Variants in PHACTR3 observed in about 807,000 individuals in gnomAD.
The protein encoded by PHACTR3 is protein phosphatase 1, regulatory subunit 123.
PHACTR3 carries 16 observed loss-of-function variants against 66.8 expected under a neutral mutation model. The observed-to-expected ratio is 0.24, with a 90% CI of 0.16 to 0.36. PHACTR3 has a LOEUF of 0.36. PHACTR3 is among the 10% of genes least tolerant of loss of function. The pLI is 1.00. For missense variants in PHACTR3, 647 were observed against 719.9 expected (o/e 0.90, Z 1.16); for synonymous variants, 323 against 292.1 (o/e 1.11, Z -1.08).
chr20:59,790,889 A>G (rs1159478451), intron 7 of PHACTR3, among the ~76,000 whole-genome samples: 9 of 152,152 alleles, frequency 5.9e-5, no homozygotes, highest in Non-Finnish European at 7.4e-5. Context: ...ACGAGCATAC[A>G]TTATTTTTGT....
At chr20:59,750,383 C>G (rs539243333) in intron 3 of PHACTR3, among the ~76,000 whole-genome samples, 1 of 152,244 alleles carries the variant, frequency 6.6e-6, no homozygotes, top group African/African-American at 2.4e-5. Context: ...ACCCAGGCAG[C>G]AGTGCTTCCT....
At chr20:59,637,032 C>A (rs2034922400) in intron 1 of PHACTR3, among the ~76,000 whole-genome samples, 1 of 152,346 alleles carries the variant, frequency 6.6e-6, no homozygotes, top group Admixed American at 6.5e-5. Flanking sequence ...TTAGAATGAT[C>A]TAGGCAAGGA....
intron 4 of PHACTR3, among the ~76,000 whole-genome samples, chr20:59,760,165 GC>G (rs1161046451): frequency 6.6e-6 from 1 of 152,186 alleles, no homozygotes; most frequent in Non-Finnish European, 1.5e-5. Context: ...GCTTCCCCGT[GC>G]CCCAACCATG....
In PHACTR3 at chr20:59,604,618, G is replaced by A; in HGVS notation, c.-397G>A. The A allele has an allele frequency of 3.6e-6, 2 of 557,324 alleles. No individual in the cohort carries two copies. The highest frequency in any genetic ancestry group is 4.1e-5 in the African/African-American group (2 of 49,088). The allele number at this position is 557,324 out of a possible 1,614,324, so 34.5% of individuals were successfully genotyped here. A position where few individuals can be genotyped will look rare whatever the true frequency, so the allele number is the denominator to read the frequency against. ...GGGGTGGGGGGTGGGGTGGGGGGAG[G>A]GAGCGCCCCCAGACATTCCAGGACA... On this transcript the variant is annotated 5_prime_UTR_variant, in exon 1 of 13. Coordinates refer to ENST00000371015, the MANE Select transcript of PHACTR3 (RefSeq NM_080672.5).
intron 1 of PHACTR3, among the ~76,000 whole-genome samples, chr20:59,629,051 T>A (rs1350867601): frequency 2.0e-5 from 3 of 152,174 alleles, no homozygotes; most frequent in Non-Finnish European, 4.4e-5. Flanking sequence ...CTTTTGCTGT[T>A]TTTTCAGTGA....
Position 59,830,676 on chromosome 20 carries a change from T to C in PHACTR3, c.1329-5829T>C, listed in dbSNP as rs2042340938. On this transcript the variant is annotated intron_variant, in intron 8 of 12. Coordinates refer to ENST00000371015, the MANE Select transcript of PHACTR3 (RefSeq NM_080672.5). This position sits in a 1 kb window ranked among gnomAD's most constrained non-coding sequence, Gnocchi z 5.8. Reference sequence around the variant, plus strand: ...AATAATATCAGTGCTATAGTAGTAATGATGCCACCTATTTGTGTGTCAACC... The same window carrying C: ...AATAATATCAGTGCTATAGTAGTAACGATGCCACCTATTTGTGTGTCAACC... 6.6e-6 allele frequency among the ~76,000 whole-genome samples: 1 copy of C among 152,156 alleles called. No individual in the cohort carries two copies. The highest frequency in any genetic ancestry group is 1.5e-5 in the Non-Finnish European group (1 of 68,026).
chr20:59,696,871 G>A (rs1159290588), intron 1 of PHACTR3, among the ~76,000 whole-genome samples: 1 of 152,198 alleles, frequency 6.6e-6, no homozygotes, highest in Non-Finnish European at 1.5e-5. Context: ...CTGGATTGCT[G>A]CTGGGACTTT....
At chr20:59,645,219 A>G (rs1396188696) in intron 1 of PHACTR3, among the ~76,000 whole-genome samples, 1 of 133,952 alleles carries the variant, frequency 7.5e-6, no homozygotes, top group African/African-American at 2.8e-5. Flanking sequence ...ATGTTAGCAG[A>G]TCTTTTTTTT....
intron 1 of PHACTR3, among the ~76,000 whole-genome samples, chr20:59,739,964 G>T (rs2039090673): frequency 6.6e-6 from 1 of 152,012 alleles, no homozygotes; most frequent in African/African-American, 2.4e-5. Flanking sequence ...AATGGCTCAG[G>T]GCTCTGATCT....
At chr20:59,598,837 C>A (rs534541077) in intron 1 of PHACTR3, among the ~76,000 whole-genome samples, 7 of 152,178 alleles carry the variant, frequency 4.6e-5, no homozygotes, top group Admixed American at 3.9e-4. Flanking sequence ...GCAGAGGGCG[C>A]GGCTGCCCAC....
chr20:59,741,656 C>G (rs539665835), intron 1 of PHACTR3, among the ~76,000 whole-genome samples: 10 of 152,234 alleles, frequency 6.6e-5, no homozygotes, highest in Non-Finnish European at 1.5e-4. Context: ...ATCTTTCCTA[C>G]TAAGGGACAC....
chr20:59,598,596 G>A (rs2033390615), intron 1 of PHACTR3, among the ~76,000 whole-genome samples: 1 of 152,214 alleles, frequency 6.6e-6, no homozygotes, highest in East Asian at 1.9e-4. Context: ...CATGAATGGT[G>A]AAATCAGGGA....
intron 1 of PHACTR3, among the ~76,000 whole-genome samples, chr20:59,608,549 G>A (rs1046327560): frequency 1.3e-5 from 2 of 152,098 alleles, no homozygotes; most frequent in Admixed American, 6.5e-5. Context: ...CACATCCTGG[G>A]GCCAGCCCCT....
rs553406877 is a variant in PHACTR3 at position 59,606,075 on chromosome 20, TTC to T, written c.118+945_118+946del. Among the ~76,000 whole-genome samples, 4 of 152,330 alleles carry T rather than the reference TTC, an allele frequency of 2.6e-5. No individual in the cohort carries two copies. In the South Asian group the frequency reaches 8.3e-4, roughly 32 times the overall value. On this transcript the variant is annotated intron_variant, in intron 1 of 12. Transcript: ENST00000371015. ...TAGAGAAGCACAATTCCTTCGTAGATTCTGTTTTGATAACAAGTTGCTTCGCC... is the reference window on the plus strand; with the variant it reads ...TAGAGAAGCACAATTCCTTCGTAGATTGTTTTGATAACAAGTTGCTTCGCC...
chr20:59,638,960 T>G (rs1219395269), intron 1 of PHACTR3, among the ~76,000 whole-genome samples: 2 of 128,842 alleles, frequency 1.6e-5, no homozygotes, highest in Non-Finnish European at 3.2e-5. Flanking sequence ...GATGGGTGGG[T>G]GAATGGATTG....
intron 1 of PHACTR3, among the ~76,000 whole-genome samples, chr20:59,689,002 A>G (rs1304160504): frequency 6.6e-6 from 1 of 152,190 alleles, no homozygotes; most frequent in Non-Finnish European, 1.5e-5. Context: ...GATTCCTCCA[A>G]GGCACATATT....
intron 7 of PHACTR3, among the ~76,000 whole-genome samples, chr20:59,788,102 C>G (rs114002184): frequency 0.021 from 3,249 of 152,214 alleles, 105 homozygotes; most frequent in Middle Eastern, 0.071. Context: ...TCCTTTGCCC[C>G]CCTCCCACTC....
chr20:59,789,111 G>T (rs980158172), intron 7 of PHACTR3, among the ~76,000 whole-genome samples: 2 of 152,224 alleles, frequency 1.3e-5, no homozygotes, highest in African/African-American at 2.4e-5. Context: ...AACAGTACAT[G>T]CCTGTTATCC....
intron 1 of PHACTR3, among the ~76,000 whole-genome samples, chr20:59,740,983 A>G (rs1364605613): frequency 6.6e-6 from 1 of 152,036 alleles, no homozygotes; most frequent in Non-Finnish European, 1.5e-5. Context: ...CGGGAGTGTG[A>G]CCCCTTCCCT....
Sources: allele counts gnomAD v4.1 joint callset (sites outside exome capture counted in the v4.1 genomes callset), GRCh38; gene constraint gnomAD v4.1.1; non-coding constraint Gnocchi (gnomAD v3.1); transcripts MANE v1.5; gene names NCBI Gene and HGNC (gene_info 2026-07-23, HGNC 2026-07-21).